The following RPA3 variants were observed in gnomAD, a reference collection of about 807,000 sequenced individuals.
RPA3 encodes the protein replication protein A3, also known as replication protein A 14 kDa subunit.
A neutral mutation model predicts 13.7 loss-of-function variants in RPA3; 24 were observed. The ratio of observed to expected loss-of-function variants is 1.75; its 90% CI spans 1.27 to 2.46. RPA3 has a LOEUF of 2.46. Ranked by LOEUF, RPA3 falls within the 30% of genes most tolerant of loss-of-function variation. RPA3 has a pLI of 0.00. For missense variants in RPA3, 183 were observed against 151.0 expected (o/e 1.21, Z -1.11); for synonymous variants, 59 against 51.2 (o/e 1.15, Z -0.65).
At chr7:7,637,122 A>G (rs202155650) in intron 7 of RPA3, 40 bp from the exon 8 acceptor site, 1 of 1,357,136 alleles carries the variant, frequency 7.4e-7, no homozygotes, top group South Asian at 1.2e-5. Flanking sequence ...TCTACAATGG[A>G]AAGTTGTAAC....
chr7:7,692,520 A>G (rs538827422), intron 2 of RPA3: 5 of 152,372 alleles, frequency 3.3e-5, no homozygotes, highest in Admixed American at 1.3e-4. Context: ...GTCAATATGT[A>G]TCAGAAGCTT....
At chr7:7,669,409 G>A (rs1002713798) in intron 4 of RPA3, among the ~76,000 whole-genome samples, 3 of 152,168 alleles carry the variant, frequency 2.0e-5, no homozygotes, top group Admixed American at 6.5e-5. Context: ...AATGGTATTT[G>A]CCAGTCCTTT....
At chr7:7,704,008 A>G (rs1312292586) in intron 2 of RPA3, among the ~76,000 whole-genome samples, 5 of 152,074 alleles carry the variant, frequency 3.3e-5, no homozygotes, top group African/African-American at 4.8e-5. Flanking sequence ...GAAAAGAAAC[A>G]TAGACATACC....
chr7:7,656,208 G>A (rs1291552500), intron 4 of RPA3, among the ~76,000 whole-genome samples: 15 of 152,110 alleles, frequency 9.9e-5, no homozygotes, highest in African/African-American at 2.9e-4. Flanking sequence ...TAAAAGCTGC[G>A]TGGTTCTGAG....
At chr7:7,699,425 A>G (rs972965638) in intron 2 of RPA3, among the ~76,000 whole-genome samples, 1 of 152,206 alleles carries the variant, frequency 6.6e-6, no homozygotes, top group African/African-American at 2.4e-5. Flanking sequence ...TAGAAGTACA[A>G]TTTTGTTTAG....
chr7:7,684,362 C>T lies in RPA3; in HGVS notation c.-758+1468G>A, dbSNP rs111442469. Among the ~76,000 whole-genome samples the T allele has an allele frequency of 3.2e-4, 48 of 151,836 alleles. 2 individuals are homozygous for T. Among genetic ancestry groups the T allele is most frequent in the Admixed American group, 2.5e-3 (38 of 15,250 alleles). On this transcript the variant is annotated intron_variant, in intron 4 of 7. Transcript: ENST00000223129. The stretch of plus-strand genomic sequence containing the variant: ...GATTACAGGCGTGTGCCACCATTCC[C>T]GGCTAATTTTTTTTTTTTGTATTTT...
rs182760996 is a variant in RPA3, at chr7:7,697,728, C to T, written c.-1027-10400G>A. 9.3e-4 allele frequency among the ~76,000 whole-genome samples: 141 copies of T among 152,260 alleles called. 1 individual carries two copies. The highest frequency in any genetic ancestry group is 1.7e-3 in the Non-Finnish European group (119 of 68,012). On this transcript the variant is annotated intron_variant, in intron 2 of 7. Coordinates refer to ENST00000223129, the MANE Select transcript of RPA3 (RefSeq NM_002947.5). ...TAAAATGCTTTAAATTATGGATCAT[C>T]AGGTAGTAAACTGGAGGATATGAGA... is the stretch of plus-strand genomic sequence containing the variant.
intron 4 of RPA3, among the ~76,000 whole-genome samples, chr7:7,669,248 G>T (rs1779545745): frequency 6.6e-6 from 1 of 152,140 alleles, no homozygotes; most frequent in Non-Finnish European, 1.5e-5. Context: ...GGAAACGATT[G>T]TATACGGTAT....
intron 1 of RPA3, among the ~76,000 whole-genome samples, chr7:7,716,362 G>C (rs1487892515): frequency 6.6e-6 from 1 of 152,248 alleles, no homozygotes; most frequent in African/African-American, 2.4e-5. Context: ...GTGAGGCTAA[G>C]AGAGTCCTTG....
chr7:7,646,707 T>A (rs577708408), intron 4 of RPA3, among the ~76,000 whole-genome samples: 2 of 151,968 alleles, frequency 1.3e-5, no homozygotes, highest in South Asian at 2.1e-4. Context: ...GGGAAGATGA[T>A]CTTCCCTTGG....
chr7:7,676,893 CTT>C (rs1483931381), intron 4 of RPA3, among the ~76,000 whole-genome samples: 1 of 151,976 alleles, frequency 6.6e-6, no homozygotes, highest in Non-Finnish European at 1.5e-5. Flanking sequence ...CAGGTAAACT[CTT>C]TTTTAAAAAA....
intron 4 of RPA3, among the ~76,000 whole-genome samples, chr7:7,661,790 A>T (rs1254016980): frequency 1.3e-5 from 2 of 152,040 alleles, no homozygotes; most frequent in Admixed American, 1.3e-4. Context: ...GGTGTCAGGG[A>T]CCCACTTGAG....
intron 4 of RPA3, among the ~76,000 whole-genome samples, chr7:7,653,031 C>A (rs1785258926): frequency 6.6e-6 from 1 of 152,178 alleles, no homozygotes; most frequent in East Asian, 1.9e-4. Context: ...GAGGTGTGAC[C>A]TCACATCCCA....
chr7:7,704,547 A>C (rs1428669983), intron 2 of RPA3, among the ~76,000 whole-genome samples: 1 of 149,048 alleles, frequency 6.7e-6, no homozygotes, highest in Admixed American at 6.7e-5. Flanking sequence ...CAAAGTCAGG[A>C]GTTCAAGACT....
chr7:7,711,788 C>T (rs1047107765), intron 2 of RPA3, among the ~76,000 whole-genome samples: 1 of 151,984 alleles, frequency 6.6e-6, no homozygotes, highest in Non-Finnish European at 1.5e-5. Flanking sequence ...AATGAAGAGA[C>T]ATTTTGATGT....
At chr7:7,675,062 G>C (rs899536686) in intron 4 of RPA3, among the ~76,000 whole-genome samples, 2 of 151,968 alleles carry the variant, frequency 1.3e-5, no homozygotes, top group African/African-American at 4.8e-5. Context: ...ATGGGGTCTT[G>C]CCATGTTGCC....
At chr7:7,702,016 A>G (rs1780475357) in intron 2 of RPA3, among the ~76,000 whole-genome samples, 2 of 152,222 alleles carry the variant, frequency 1.3e-5, no homozygotes, top group African/African-American at 4.8e-5. Context: ...GTAGAACTGA[A>G]ATTCATATTG....
At chr7:7,678,361 T>C (rs1238706266) in intron 4 of RPA3, among the ~76,000 whole-genome samples, 1 of 149,428 alleles carries the variant, frequency 6.7e-6, no homozygotes, top group Non-Finnish European at 1.5e-5. Flanking sequence ...TTTTTTAATA[T>C]GCCTATTGGT....
intron 3 of RPA3, among the ~76,000 whole-genome samples, chr7:7,686,630 C>G (rs773393938): frequency 5.3e-5 from 8 of 152,128 alleles, no homozygotes; most frequent in Admixed American, 3.3e-4. Context: ...TTTCCAGAAC[C>G]ATCATGCTGC....
Sources: gnomAD v4.1 joint callset for allele counts (sites outside exome capture counted in the v4.1 genomes callset) on GRCh38, gnomAD v4.1.1 for gene constraint, MANE v1.5 for transcripts, NCBI Gene and HGNC (gene_info 2026-07-23, HGNC 2026-07-21) for gene names.